Variants in ABCA8 observed in about 807,000 individuals in gnomAD.
ABCA8 encodes the protein ABC-type organic anion transporter ABCA8.
Under a neutral mutation model 192.3 loss-of-function variants are expected in ABCA8, and 177 were observed. That is an observed-to-expected ratio of 0.92 (90% CI 0.81 to 1.04). The LOEUF (loss-of-function observed/expected upper bound fraction) is 1.04. ABCA8 is among the 50% of genes least tolerant of loss of function. ABCA8 has a pLI of 0.00. For missense variants in ABCA8, 1,915 were observed against 1,904.8 expected, an observed-to-expected ratio of 1.01 and a Z score of -0.10; for synonymous variants, 642 against 690.2, an observed-to-expected ratio of 0.93 and a Z score of 1.09.
chr17:68,878,703 T>G (rs986456559), intron 32 of ABCA8: 2 of 152,234 alleles, frequency 1.3e-5, no homozygotes, highest in Admixed American at 6.5e-5. Context: ...ATACTGACTT[T>G]GGGCCCAGGT....
intron 18 of ABCA8, among the ~76,000 whole-genome samples, chr17:68,906,662 A>C (rs1211293646): frequency 6.6e-6 from 1 of 152,204 alleles, no homozygotes; most frequent in East Asian, 1.9e-4. Flanking sequence ...AACCATTAAA[A>C]AATTTTCTGT....
chr17:68,926,337 G>T (rs1051020356), intron 10 of ABCA8, among the ~76,000 whole-genome samples: 1 of 151,990 alleles, frequency 6.6e-6, no homozygotes, highest in Non-Finnish European at 1.5e-5. Context: ...ATACAACCAG[G>T]ATGTTTTAAT....
intron 1 of ABCA8, among the ~76,000 whole-genome samples, chr17:68,949,941 C>T (rs578123837): frequency 6.6e-6 from 1 of 152,110 alleles, no homozygotes; most frequent in African/African-American, 2.4e-5. Flanking sequence ...AAGTTCTGGC[C>T]AGTGCAATCA....
At chr17:68,883,653 T>C in intron 29 of ABCA8, 138 bp downstream of exon 29, 2 of 596,398 alleles carry the variant, frequency 3.4e-6, no homozygotes, top group Non-Finnish European at 5.9e-6. Context: ...TGGATCTGTA[T>C]TATTTGTATG....
intron 24 of ABCA8, among the ~76,000 whole-genome samples, chr17:68,890,365 A>T (rs1003335894): frequency 6.6e-6 from 1 of 152,210 alleles, no homozygotes; most frequent in Non-Finnish European, 1.5e-5. Context: ...ATATATACAA[A>T]TACTTTGTCC....
intron 21 of ABCA8, among the ~76,000 whole-genome samples, chr17:68,898,389 T>C (rs2066820788): frequency 6.6e-6 from 1 of 152,034 alleles, no homozygotes; most frequent in Non-Finnish European, 1.5e-5. Context: ...TAAAAAATGA[T>C]GAAGGTAGAA....
intron 2 of ABCA8, among the ~76,000 whole-genome samples, chr17:68,947,163 A>G (rs2068434128): frequency 6.6e-6 from 1 of 152,196 alleles, no homozygotes; most frequent in Admixed American, 6.5e-5. Flanking sequence ...TCATTCAGAT[A>G]TAATTAAAAT....
chr17:68,932,104 G>C, intron 7 of ABCA8, 184 bp downstream of exon 7: 1 of 454,346 alleles, frequency 2.2e-6, no homozygotes, highest in Non-Finnish European at 4.0e-6. Context: ...CAGCTACTTG[G>C]GAGGCCGAGG....
chr17:68,882,623 G>A lies in ABCA8; in HGVS notation c.3804C>T (p.Ala1268=). ...CCTCATCAAAATTAGTAGAATTCAAGGCATTTGCTGTTCTCACTCTTTCCA... is the reference window on the plus strand; with the variant it reads ...CCTCATCAAAATTAGTAGAATTCAAAGCATTTGCTGTTCTCACTCTTTCCA... ...VQMERVRTAN[A]LNSTNFDEKP... The change falls in exon 30 of 40, where the codon GCC becomes GCT. Residue 1268 remains alanine (A), a synonymous_variant. Coordinates refer to ENST00000586539, the MANE Select transcript of ABCA8 (RefSeq NM_001288985.2). The A allele has an allele frequency of 6.2e-7, 1 of 1,612,196 alleles. No homozygotes were observed. The highest frequency in any genetic ancestry group is 8.5e-7 in the Non-Finnish European group (1 of 1,179,296).
intron 28 of ABCA8, 122 bp from the exon 29 acceptor site, chr17:68,884,004 A>C (rs1288699552): frequency 2.9e-6 from 2 of 685,242 alleles, no homozygotes; most frequent in Non-Finnish European, 4.8e-6. Flanking sequence ...ACAAACTCCT[A>C]ATAACCTATC....
At chr17:68,929,987 T>TG (rs71144639) in intron 7 of ABCA8, among the ~76,000 whole-genome samples, 8,583 of 47,438 alleles carry the variant, frequency 0.18, 366 homozygotes, top group Middle Eastern at 0.24. Context: ...GTGGGGGCGG[T>TG]GGGGGGGGAA....
chr17:68,874,949 G>A (rs1312585643), intron 37 of ABCA8, among the ~76,000 whole-genome samples: 2 of 152,164 alleles, frequency 1.3e-5, no homozygotes, highest in African/African-American at 2.4e-5. Context: ...TTTCATTTAC[G>A]AAGGATACTC....
In ABCA8 at chr17:68,875,327, G is replaced by C. The variant is rs146798851; in HGVS notation, c.4564C>G (p.Leu1522Val). 2,142 of 1,614,094 alleles carry C rather than the reference G, an allele frequency of 1.3e-3. 1 individual carries two copies. The highest frequency in any genetic ancestry group is 1.6e-3 in the Non-Finnish European group (1,894 of 1,180,010). ...GCATGGAGGGGCTCCACTTGTGCCA[G>C]GTTCTTCACCTTCATCTCCAGCAGG... ...DYLLEMKVKNLAQVEPLHAEI... is the reference protein window; with the variant it reads ...DYLLEMKVKNVAQVEPLHAEI... The change falls in exon 37 of 40, where the codon CTG becomes GTG. Residue 1522 changes from leucine (L) to valine (V), a missense_variant. Coordinates refer to ENST00000586539, the MANE Select transcript of ABCA8 (RefSeq NM_001288985.2).
intron 5 of ABCA8, among the ~76,000 whole-genome samples, chr17:68,935,317 A>G (rs1018141459): frequency 2.8e-5 from 4 of 141,240 alleles, no homozygotes; most frequent in Non-Finnish European, 5.9e-5. Context: ...GGGTTTCACC[A>G]TGTTGCCCAG....
At chr17:68,907,152 G>A (rs4147993) in intron 18 of ABCA8, among the ~76,000 whole-genome samples, 60,076 of 151,642 alleles carry the variant, frequency 0.4, 12,282 homozygotes, top group South Asian at 0.53. Context: ...CAGAATTTGC[G>A]TAACACTTTC....
intron 26 of ABCA8, among the ~76,000 whole-genome samples, chr17:68,885,943 G>T (rs527692370): frequency 6.6e-6 from 1 of 151,968 alleles, no homozygotes; most frequent in Non-Finnish European, 1.5e-5. Context: ...ATATCTAACA[G>T]GAATAAAACA....
intron 2 of ABCA8, among the ~76,000 whole-genome samples, chr17:68,943,365 T>C (rs909309386): frequency 6.6e-6 from 1 of 152,200 alleles, no homozygotes; most frequent in Non-Finnish European, 1.5e-5. Flanking sequence ...CGTGTATGTG[T>C]ATAGATATAC....
intron 7 of ABCA8, among the ~76,000 whole-genome samples, chr17:68,931,403 C>T (rs1473820253): frequency 2.0e-5 from 3 of 152,118 alleles, no homozygotes; most frequent in Admixed American, 1.3e-4. Flanking sequence ...TTATTCATGG[C>T]AACACATTTT....
At chr17:68,948,470 T>G (rs1431670815) in intron 2 of ABCA8, among the ~76,000 whole-genome samples, 2 of 152,226 alleles carry the variant, frequency 1.3e-5, no homozygotes, top group East Asian at 3.8e-4. Flanking sequence ...TCATTGTGGT[T>G]TTGATTTGCA....
Sources: gnomAD v4.1 joint callset for allele counts (sites outside exome capture counted in the v4.1 genomes callset) on GRCh38, gnomAD v4.1.1 for gene constraint, MANE v1.5 for transcripts, NCBI Gene and HGNC (gene_info 2026-07-23, HGNC 2026-07-21) for gene names.